PAXBP1: variants seen among roughly 807,000 people sequenced by gnomAD.
PAXBP1 encodes PAX3 and PAX7 binding protein 1.
In PAXBP1, 44 loss-of-function variants were observed where a neutral mutation model predicts 119.9. The observed-to-expected ratio is 0.37, with a 90% CI of 0.29 to 0.47. PAXBP1 has a LOEUF of 0.47. Among genes scored for constraint, PAXBP1 ranks in the 20% least tolerant of loss-of-function variants. PAXBP1 has a pLI of 0.99. For missense variants in PAXBP1, 898 were observed against 1,134.1 expected (o/e 0.79, Z 2.99); for synonymous variants, 393 against 406.6 (o/e 0.97, Z 0.40).
At chr21:32,755,729 T>C (rs1277745697) in intron 7 of PAXBP1, 2 of 160,494 alleles carry the variant, frequency 1.2e-5, no homozygotes, top group East Asian at 3.7e-4. Flanking sequence ...ATTATCTGCA[T>C]TGCGATTTTT....
At chr21:32,765,731 A>C (rs968979469) in intron 2 of PAXBP1, among the ~76,000 whole-genome samples, 2 of 145,420 alleles carry the variant, frequency 1.4e-5, no homozygotes, top group Non-Finnish European at 3.0e-5. Flanking sequence ...TTTTTCATTT[A>C]CCATTTTCTC....
intron 5 of PAXBP1, 144 bp from the exon 6 acceptor site, chr21:32,760,138 G>T: frequency 1.6e-6 from 1 of 633,392 alleles, no homozygotes; most frequent in Non-Finnish European, 2.7e-6. Flanking sequence ...TTCAAAATTA[G>T]ATAAAAGCAG....
intron 7 of PAXBP1, among the ~76,000 whole-genome samples, chr21:32,758,020 A>G (rs1193967877): frequency 1.3e-5 from 2 of 152,140 alleles, no homozygotes; most frequent in Non-Finnish European, 2.9e-5. Context: ...AACATGAGAA[A>G]CCCTACAGAG....
chr21:32,740,849 A>C lies in PAXBP1; in HGVS notation c.2334+2399T>G, dbSNP rs7279151. Among the ~76,000 whole-genome samples the C allele has an allele frequency of 9.5e-3, 1,444 of 152,332 alleles. 18 individuals are homozygous for C. The highest frequency in any genetic ancestry group is 0.033 in the African/African-American group (1,382 of 41,582). On this transcript the variant is annotated intron_variant, in intron 15 of 17. Coordinates refer to ENST00000331923, the MANE Select transcript of PAXBP1 (RefSeq NM_016631.4). ...AAAATCTGCAAATCATTTATATGATAAACGACTTCTCTCCAGAATATAGAA... is the reference window on the plus strand; with the variant it reads ...AAAATCTGCAAATCATTTATATGATCAACGACTTCTCTCCAGAATATAGAA...
Position 32,745,595 on chromosome 21 carries a change from C to T in PAXBP1, c.2047G>A (p.Val683Met), listed in dbSNP as rs1453207548. ...VALLPTIVEK[V>M]ILPKLTVIAE... ...TTACCTGTTAGTTTAGGAAGAATCA[C>T]CTTTTCCACAATGGTAGGTAGTAGG... Residue 683 changes from valine (V) to methionine (M), a missense_variant, in exon 12 of 18, where the codon GTG (valine) becomes ATG (methionine). By Grantham distance (21) the Val-to-Met change is conservative. Transcript: ENST00000331923. The T allele has an allele frequency of 2.5e-6, 4 of 1,614,028 alleles. No homozygotes were observed. The Admixed American group carries it at 5.0e-5, about 20-fold the overall frequency.
At chr21:32,771,006 C>T (rs906589201) in intron 1 of PAXBP1, among the ~76,000 whole-genome samples, 1 of 152,214 alleles carries the variant, frequency 6.6e-6, no homozygotes, top group Admixed American at 6.5e-5. Flanking sequence ...GGGACCCACA[C>T]CAAGTTGGCC....
At chr21:32,741,691 A>C (rs1299494000) in intron 15 of PAXBP1, 1 of 618,912 alleles carries the variant, frequency 1.6e-6, no homozygotes, top group African/African-American at 1.8e-5. Context: ...AGGCAAAATT[A>C]AGAGTAATAT....
chr21:32,765,728 T>C (rs2044229621), intron 2 of PAXBP1, among the ~76,000 whole-genome samples: 1 of 151,438 alleles, frequency 6.6e-6, no homozygotes, highest in Non-Finnish European at 1.5e-5. Flanking sequence ...TTTTTTTTCA[T>C]TTACCATTTT....
chr21:32,757,822 C>T (rs1455041492), intron 7 of PAXBP1, among the ~76,000 whole-genome samples: 1 of 152,204 alleles, frequency 6.6e-6, no homozygotes, highest in East Asian at 1.9e-4. Context: ...AAGAGTTTTG[C>T]CAGTAGGAAG....
At chr21:32,737,181 A>T in intron 17 of PAXBP1, 73 bp downstream of exon 17, 1 of 1,169,906 alleles carries the variant, frequency 8.5e-7, no homozygotes, top group Non-Finnish European at 1.2e-6. Context: ...AAACATCTCT[A>T]CTTAAAACAT....
intron 4 of PAXBP1, 101 bp downstream of exon 4, chr21:32,761,994 TG>T: frequency 8.4e-7 from 1 of 1,194,150 alleles, no homozygotes; most frequent in Non-Finnish European, 1.2e-6. Context: ...GAGCTATGAT[TG>T]TACCACTGCA....
At chr21:32,767,688 T>C (rs1466389082) in intron 2 of PAXBP1, among the ~76,000 whole-genome samples, 8 of 152,172 alleles carry the variant, frequency 5.3e-5, no homozygotes, top group Non-Finnish European at 1.5e-5. Context: ...TCCTCCTCAT[T>C]TTCTCTTGCT....
Position 32,755,138 on chromosome 21 carries a change from A to C in PAXBP1, c.1507+92T>G, listed in dbSNP as rs970662544. On this transcript the variant is annotated intron_variant, in intron 8 of 17. Coordinates refer to ENST00000331923, the MANE Select transcript of PAXBP1 (RefSeq NM_016631.4). ...GGAAATTGTTTCTTTAAAAAAAAAA[A>C]AAAAAGCTCCAAGATCTCTAATTTT... The C allele has an allele frequency of 3.6e-6, 5 of 1,370,102 alleles. No homozygotes were observed. The African/African-American group carries it at 7.5e-5, about 21-fold the overall frequency. The allele number at this position is 1,370,102 out of a possible 1,614,324, so 84.9% of individuals were successfully genotyped here.
chr21:32,740,853 G>A (rs184371758), intron 15 of PAXBP1, among the ~76,000 whole-genome samples: 13 of 151,162 alleles, frequency 8.6e-5, no homozygotes, highest in African/African-American at 1.7e-4. Flanking sequence ...TATGATAAAC[G>A]ACTTCTCTCC....
At chr21:32,737,197 T>A in intron 17 of PAXBP1, 57 bp downstream of exon 17, 1 of 1,296,998 alleles carries the variant, frequency 7.7e-7, no homozygotes, top group Non-Finnish European at 1.0e-6. Flanking sequence ...AACATTTTAA[T>A]ACTAAATCTG....
rs138276042 is a variant in PAXBP1, at chr21:32,747,874, A to C, written c.1923+625T>G. ...ACAATCATAGCTCATTACAGCCTTG[A>C]TCTCCCGGGCTCAAGCAATCCTGCC... On this transcript the variant is annotated intron_variant, in intron 11 of 17. Coordinates refer to ENST00000331923, the MANE Select transcript of PAXBP1 (RefSeq NM_016631.4). 3.5e-4 allele frequency among the ~76,000 whole-genome samples: 53 copies of C among 150,340 alleles called. 3 individuals carry two copies. The East Asian group carries it at 0.01, about 29-fold the overall frequency.
In PAXBP1 at chr21:32,734,887, T is replaced by C. The variant is rs2043670673; in HGVS notation, c.*63A>G. The C allele has an allele frequency of 2.5e-6, 3 of 1,209,708 alleles. No homozygotes were observed. The Admixed American group carries it at 5.2e-5, about 21-fold the overall frequency. The allele number at this position is 1,209,708 out of a possible 1,614,324, so 74.9% of individuals were successfully genotyped here. Reference sequence around the variant, plus strand: ...ATTTTACAGTTTAAGAAACTTTACATATATACAAAATTTACACATTGGGAA... The same window carrying C: ...ATTTTACAGTTTAAGAAACTTTACACATATACAAAATTTACACATTGGGAA... On this transcript the variant is annotated 3_prime_UTR_variant, in exon 18 of 18. Coordinates refer to ENST00000331923, the MANE Select transcript of PAXBP1 (RefSeq NM_016631.4).
chr21:32,766,400 C>T (rs1371632511), intron 2 of PAXBP1, among the ~76,000 whole-genome samples: 1 of 152,086 alleles, frequency 6.6e-6, no homozygotes, highest in Non-Finnish European at 1.5e-5. Flanking sequence ...TTCAAGGCTC[C>T]ACTCATGCCT....
intron 16 of PAXBP1, 46 bp downstream of exon 16, chr21:32,738,127 A>AT: frequency 1.4e-6 from 2 of 1,470,834 alleles, no homozygotes; most frequent in African/African-American, 1.5e-5. Flanking sequence ...AACTTAATTC[A>AT]TTTTAAATTA....
Sources: gnomAD v4.1 joint callset for allele counts (sites outside exome capture counted in the v4.1 genomes callset) on GRCh38, gnomAD v4.1.1 for gene constraint, MANE v1.5 for transcripts, NCBI Gene and HGNC (gene_info 2026-07-23, HGNC 2026-07-21) for gene names.